EFTUD2: variants seen among roughly 807,000 people sequenced by gnomAD.
The protein encoded by EFTUD2 is elongation factor Tu GTP binding domain containing 2, also known as 116 kDa U5 small nuclear ribonucleoprotein component.
In EFTUD2, 9 loss-of-function variants were observed where a neutral mutation model predicts 114.3. The ratio of observed to expected loss-of-function variants is 0.08; its 90% confidence interval spans 0.05 to 0.14. The LOEUF (loss-of-function observed/expected upper bound fraction) is 0.14. Ranked by LOEUF, EFTUD2 falls within the 10% of genes least tolerant of loss-of-function variation. The pLI is 1.00. For missense variants in EFTUD2, 765 were observed against 1,241.2 expected, an observed-to-expected ratio of 0.62 and a Z score of 5.76; for synonymous variants, 449 against 462.3, an observed-to-expected ratio of 0.97 and a Z score of 0.37.
intron 2 of EFTUD2, among the ~76,000 whole-genome samples, chr17:44,890,084 T>G (rs187140915): frequency 6.6e-6 from 1 of 152,296 alleles, no homozygotes. Context: ...CTCAGCTCAC[T>G]GCAACCTCTG....
chr17:44,855,421 C>T (rs1300399933), intron 20 of EFTUD2, among the ~76,000 whole-genome samples: 6 of 151,850 alleles, frequency 4.0e-5, no homozygotes, highest in South Asian at 2.1e-4. Context: ...ATTAGCTGGG[C>T]GTGGTGGCGT....
In EFTUD2 at chr17:44,850,218, G is replaced by C; in HGVS notation, c.*1056C>G. ...TGGGACCTGGGGCAGAAAGATGAGC[G>C]GGAAGCTGGACTCTCAAGGGAGCAG... is the stretch of plus-strand genomic sequence containing the variant. On this transcript the variant is annotated 3_prime_UTR_variant, in exon 28 of 28. Coordinates refer to ENST00000426333, the MANE Select transcript of EFTUD2 (RefSeq NM_004247.4). The C allele has an allele frequency of 1.4e-6, 1 of 717,936 alleles. No homozygotes were observed. Among genetic ancestry groups the C allele is most frequent in the Non-Finnish European group, 2.3e-6 (1 of 429,164 alleles). The allele number at this position is 717,936 out of a possible 1,614,324, so 44.5% of individuals were successfully genotyped here. A position where few individuals can be genotyped will look rare whatever the true frequency, so the allele number is the denominator to read the frequency against.
At chr17:44,887,741 T>C (rs903584369) in intron 2 of EFTUD2, among the ~76,000 whole-genome samples, 6 of 152,194 alleles carry the variant, frequency 3.9e-5, no homozygotes, top group Admixed American at 3.3e-4. Flanking sequence ...GGAAATGTTC[T>C]AAAATTGATT....
chr17:44,875,136 T>A (rs2050922650), intron 10 of EFTUD2, among the ~76,000 whole-genome samples: 1 of 151,824 alleles, frequency 6.6e-6, no homozygotes, highest in Non-Finnish European at 1.5e-5. Context: ...AAGGCCAAGG[T>A]GGAAGAATTG....
chr17:44,883,149 C>T lies in EFTUD2; in HGVS notation c.436G>A (p.Val146Met), dbSNP rs1161959987. Residue 146 changes from valine (V) to methionine (M), a missense_variant, in exon 6 of 28, where the codon GTG (valine) becomes ATG (methionine). Around this residue, in one of 6 missense-constraint regions of EFTUD2, gnomAD observed 19 missense variants for 53.0 expected, o/e 0.36. Transcript: ENST00000426333. The stretch of plus-strand genomic sequence containing the variant: ...TGAGTCTGTTCAATTAAACAATCCA[C>T]AAAACATGTCTAAAAGGGAAGAAAC... The part of the protein sequence containing the change: ...GHLHHGKTCF[V>M]DCLIEQTHPE... 1 of 1,613,984 alleles carries T rather than the reference C, an allele frequency of 6.2e-7. No homozygotes were observed. Among genetic ancestry groups the T allele is most frequent in the Non-Finnish European group, 8.5e-7 (1 of 1,180,028 alleles).
rs376053318 is a variant in EFTUD2 at position 44,853,571 on chromosome 17, G to A, written c.2412C>T (p.Gly804=). The change falls in exon 24 of 28, where the codon GGC becomes GGT. Residue 804 remains glycine, a synonymous_variant. Coordinates refer to ENST00000426333, the MANE Select transcript of EFTUD2 (RefSeq NM_004247.4). ...TGGCTGTGGGGATGATCTGGCCCCC[G>A]CCCCGGTGCAGGGGCTCCTGGGCAA... ...AVVAQEPLHR[G]GGQIIPTARR... The A allele has an allele frequency of 1.4e-5, 22 of 1,614,014 alleles. No individual in the cohort carries two copies. Among genetic ancestry groups the A allele is most frequent in the Middle Eastern group, 1.6e-4 (1 of 6,084 alleles).
chr17:44,876,018 C>T lies in EFTUD2; in HGVS notation c.785G>A (p.Arg262Gln). The change falls in exon 10 of 28, where the codon CGG becomes CAG. Residue 262 changes from arginine to glutamine, a missense_variant. This residue lies in a region of EFTUD2 where 251 missense variants were observed against 357.7 expected (regional missense o/e 0.70). Transcript: ENST00000426333. ...AGGCAGCTTCAGCTCCAGGATCAGCCGGTCAATCTTGTTGATGCACACAGT... is the reference window on the plus strand; with the variant it reads ...AGGCAGCTTCAGCTCCAGGATCAGCTGGTCAATCTTGTTGATGCACACAGT... Reference protein sequence around the residue: ...AVTVCINKIDRLILELKLPPT... With the variant: ...AVTVCINKIDQLILELKLPPT... 1.2e-6 allele frequency: 2 copies of T among 1,614,014 alleles called. No individual in the cohort carries two copies. The highest frequency in any genetic ancestry group is 1.7e-6 in the Non-Finnish European group (2 of 1,179,970).
At position 44,851,249 on chromosome 17, in the gene EFTUD2, C is replaced by G; in HGVS notation, c.*25G>C. 6.3e-7 allele frequency: 1 copy of G among 1,598,288 alleles called. No homozygotes were observed. The highest frequency in any genetic ancestry group is 8.6e-7 in the Non-Finnish European group (1 of 1,165,978). On this transcript the variant is annotated 3_prime_UTR_variant, in exon 28 of 28. Coordinates refer to ENST00000426333, the MANE Select transcript of EFTUD2 (RefSeq NM_004247.4). ...AGGAGTTGCAGCCCACTGTAGGGAG[C>G]AGGAGCTCCCAGGAGTCCACGCACT...
intron 11 of EFTUD2, 191 bp from the exon 12 acceptor site, chr17:44,868,541 G>A: frequency 1.8e-6 from 1 of 559,432 alleles, no homozygotes; most frequent in Non-Finnish European, 3.2e-6. Flanking sequence ...GTCCAAAGTT[G>A]ACAAGGCTGT....
At chr17:44,867,972 T>C in intron 12 of EFTUD2, 75 bp from the exon 13 acceptor site, 1 of 1,383,362 alleles carries the variant, frequency 7.2e-7, no homozygotes, top group Non-Finnish European at 9.8e-7. Flanking sequence ...ATTGTCTAAG[T>C]GCTGAATCTG....
chr17:44,890,221 C>T (rs557651955), intron 2 of EFTUD2, among the ~76,000 whole-genome samples: 5 of 151,540 alleles, frequency 3.3e-5, no homozygotes, highest in Admixed American at 6.6e-5. Context: ...GGTTTCATCA[C>T]GTTGGCCAGA....
At chr17:44,868,520 G>A in intron 11 of EFTUD2, 170 bp from the exon 12 acceptor site, 1 of 597,344 alleles carries the variant, frequency 1.7e-6, no homozygotes, top group African/African-American at 1.9e-5. Flanking sequence ...GCACAAAGAA[G>A]GACAAGACTG....
At chr17:44,884,518 CG>C (rs2051130207) in intron 4 of EFTUD2, among the ~76,000 whole-genome samples, 1 of 118,408 alleles carries the variant, frequency 8.4e-6, no homozygotes, top group Non-Finnish European at 1.8e-5. Context: ...GACCCCGCAT[CG>C]AAAAAAAAAA....
Position 44,854,465 on chromosome 17 carries a change from C to G in EFTUD2, c.2259+91G>C. On this transcript the variant is annotated intron_variant, in intron 22 of 27. Transcript: ENST00000426333. This position sits in a 1 kb window ranked among gnomAD's most constrained non-coding sequence, Gnocchi z 4.3. ...GGGGATACTGTCCTTCACCAGAGGA[C>G]ACAAGATACTTTTGGGAAAAGAACA... 5 of 1,578,882 alleles carry G rather than the reference C, an allele frequency of 3.2e-6. No individual in the cohort carries two copies. Among genetic ancestry groups the G allele is most frequent in the Non-Finnish European group, 4.3e-6 (5 of 1,159,284 alleles).
In EFTUD2 at chr17:44,853,405, G is replaced by A. The variant is rs2050491226; in HGVS notation, c.2467-15C>T. The A allele has an allele frequency of 6.2e-7, 1 of 1,614,146 alleles. No individual in the cohort carries two copies. The highest frequency in any genetic ancestry group is 8.5e-7 in the Non-Finnish European group (1 of 1,179,980). On this transcript the variant is annotated splice_polypyrimidine_tract_variant and intron_variant, in intron 24 of 27. Transcript: ENST00000426333. ...CGAGGAGTAGCCTGCAGCAGAGCAA[G>A]AAGAAAGGCCCCTCAGCTTGGGGAA...
chr17:44,873,509 C>T (rs1190422001), intron 10 of EFTUD2, among the ~76,000 whole-genome samples: 1 of 152,060 alleles, frequency 6.6e-6, no homozygotes, highest in Non-Finnish European at 1.5e-5. Flanking sequence ...GCATGAACCA[C>T]CAAGCCTGGC....
chr17:44,881,790 A>T, intron 6 of EFTUD2, 68 bp from the exon 7 acceptor site: 1 of 1,406,082 alleles, frequency 7.1e-7, no homozygotes, highest in Non-Finnish European at 1.0e-6. Context: ...ACCATCAATC[A>T]CTTTCCCTCA....
At chr17:44,880,809 GT>G (rs1429237925) in intron 7 of EFTUD2, among the ~76,000 whole-genome samples, 165 bp from the exon 8 acceptor site, 2 of 152,156 alleles carry the variant, frequency 1.3e-5, no homozygotes, top group East Asian at 3.8e-4. Context: ...AAATATCTTG[GT>G]GTTAGACACC....
At chr17:44,889,008 C>G (rs1286134365) in intron 2 of EFTUD2, among the ~76,000 whole-genome samples, 1 of 152,080 alleles carries the variant, frequency 6.6e-6, no homozygotes, top group African/African-American at 2.4e-5. Context: ...AGGAATGGAG[C>G]CCCGGGCCTG....
Sources: allele counts gnomAD v4.1 joint callset (sites outside exome capture counted in the v4.1 genomes callset), GRCh38; gene constraint gnomAD v4.1.1; regional missense constraint gnomAD v4.1.1; non-coding constraint Gnocchi (gnomAD v3.1); transcripts MANE v1.5; gene names NCBI Gene and HGNC (gene_info 2026-07-23, HGNC 2026-07-21).